The following CEP250 variants were observed in gnomAD, a reference collection of about 807,000 sequenced individuals.
The protein encoded by CEP250 is centrosomal protein 250.
Under a neutral mutation model 315.7 loss-of-function variants are expected in CEP250, and 242 were observed. The observed-to-expected ratio is 0.77, with a 90% CI of 0.69 to 0.85. The LOEUF is 0.85. Ranked by LOEUF, CEP250 falls within the 40% of genes least tolerant of loss-of-function variation. CEP250 has a pLI of 0.00. For missense variants in CEP250, 2,515 were observed against 2,886.4 expected (o/e 0.87, Z 2.95); for synonymous variants, 1,088 against 1,175.0 (o/e 0.93, Z 1.51).
chr20:35,471,469 G>C (rs2063022952), intron 10 of CEP250, among the ~76,000 whole-genome samples: 1 of 152,086 alleles, frequency 6.6e-6, no homozygotes, highest in Non-Finnish European at 1.5e-5. Flanking sequence ...TTCAAATTTT[G>C]TATAAGCCAA....
chr20:35,487,931 C>T (rs2063564809), intron 20 of CEP250, among the ~76,000 whole-genome samples: 1 of 152,172 alleles, frequency 6.6e-6, no homozygotes, highest in Non-Finnish European at 1.5e-5. Flanking sequence ...CACTTGGCTG[C>T]CCATTTATTT....
rs768771397 is a variant in CEP250 at position 35,498,048 on chromosome 20, C to T, written c.3636C>T (p.Ser1212=). The stretch of plus-strand genomic sequence containing the variant: ...GTGGTGGGGGAGACTCTGCTCCTTC[C>T]GTCTGGGGCCTTGAGCCAGGTGAGA... ...ELSGGGDSAP[S]VWGLEPDQNG... The change falls in exon 26 of 35, where the codon TCC becomes TCT. Residue 1212 remains serine, a synonymous_variant. Coordinates refer to ENST00000397527, the MANE Select transcript of CEP250 (RefSeq NM_007186.6). 1.6e-5 allele frequency: 26 copies of T among 1,578,726 alleles called. No individual in the cohort carries two copies. Among genetic ancestry groups the T allele is most frequent in the South Asian group, 6.7e-5 (6 of 88,934 alleles).
At position 35,503,115 on chromosome 20, in the gene CEP250, G is replaced by A. The variant is rs1204562943; in HGVS notation, c.4746G>A (p.Gln1582=). The A allele has an allele frequency of 6.2e-7, 1 of 1,614,208 alleles. No homozygotes were observed. Among genetic ancestry groups the A allele is most frequent in the South Asian group, 1.1e-5 (1 of 91,088 alleles). Residue 1582 remains glutamine, a synonymous_variant, in exon 30 of 35, where the codon CAG becomes CAA. Coordinates refer to ENST00000397527, the MANE Select transcript of CEP250 (RefSeq NM_007186.6). The surrounding 1 kb of genome is among the most constrained non-coding windows in gnomAD (Gnocchi z 4.2). ...AACTGATCAAGGAGCTGGAGGGCCAGAGGGAAACCCAGAGAGTGGCTTTGA... is the reference window on the plus strand; with the variant it reads ...AACTGATCAAGGAGCTGGAGGGCCAAAGGGAAACCCAGAGAGTGGCTTTGA... ...QQKLIKELEG[Q]RETQRVALTH...
intron 28 of CEP250, among the ~76,000 whole-genome samples, chr20:35,501,596 T>C (rs1270421497): frequency 6.6e-6 from 1 of 152,014 alleles, no homozygotes; most frequent in Non-Finnish European, 1.5e-5. Flanking sequence ...TGAGGACATA[T>C]TGGGATGATT....
intron 6 of CEP250, 51 bp from the exon 7 acceptor site, chr20:35,465,988 G>T (rs1228797524): frequency 1.9e-6 from 3 of 1,602,842 alleles, no homozygotes; most frequent in East Asian, 4.5e-5. Flanking sequence ...GAGGTCCAAG[G>T]GTTGGACTAG....
intron 4 of CEP250, 140 bp from the exon 5 acceptor site, chr20:35,463,435 A>G: frequency 1.9e-6 from 1 of 533,308 alleles, no homozygotes; most frequent in Non-Finnish European, 3.1e-6. Flanking sequence ...TAGAAACTAT[A>G]AGATGTTATG....
At chr20:35,475,725 C>T in intron 15 of CEP250, 79 bp downstream of exon 15, 4 of 1,480,926 alleles carry the variant, frequency 2.7e-6, no homozygotes, top group Non-Finnish European at 3.7e-6. Context: ...CATTCTTCAC[C>T]TTCAAGCCAG....
chr20:35,496,818 T>A, intron 25 of CEP250, 103 bp downstream of exon 25: 1 of 1,272,152 alleles, frequency 7.9e-7, no homozygotes, highest in Non-Finnish European at 1.1e-6. Context: ...GACCCATCTA[T>A]TTTTCCTGAT....
Position 35,502,954 on chromosome 20 carries a change from C to G in CEP250, c.4585C>G (p.Leu1529Val), listed in dbSNP as rs1224462169. The G allele has an allele frequency of 1.9e-6, 3 of 1,614,068 alleles. No homozygotes were observed. In the African/African-American group the frequency reaches 4.0e-5, roughly 22 times the overall value. Residue 1529 changes from leucine to valine, a missense_variant, in exon 30 of 35, where the codon CTA becomes GTA. Coordinates refer to ENST00000397527, the MANE Select transcript of CEP250 (RefSeq NM_007186.6). ...GAGGAACGTCTTGGAGCATCAGCTT[C>G]TAGAACTTGAGAAGAAAGACCAAAT... ...TQRNVLEHQL[L>V]ELEKKDQMIE...
rs1186182693 is a variant in CEP250, at chr20:35,515,180, T to C, written c.*3554T>C. 4 of 152,210 alleles carry C rather than the reference T, an allele frequency of 2.6e-5. No individual in the cohort carries two copies. The highest frequency in any genetic ancestry group is 2.6e-4 in the Admixed American group (4 of 15,278). 9.4% of individuals were successfully genotyped at this position (152,210 alleles called of 1,614,324 possible). A position where few individuals can be genotyped will look rare whatever the true frequency, so the allele number is the denominator to read the frequency against. ...CGGAATTGGGTTAGGTGTCCTAGCA[T>C]TGGTGCCTATGGAGAAGAACACAGA... On this transcript the variant is annotated 3_prime_UTR_variant, in exon 35 of 35. Transcript: ENST00000397527.
chr20:35,510,072 T>A lies in CEP250; in HGVS notation c.7065+18T>A. ...AGAAAGAGGTATGTTCTGGATTTTC[T>A]AAGCCCATATTCCCTCCCTTGCACT... On this transcript the variant is annotated intron_variant, in intron 34 of 34. Coordinates refer to ENST00000397527, the MANE Select transcript of CEP250 (RefSeq NM_007186.6). 1 of 1,612,514 alleles carries A rather than the reference T, an allele frequency of 6.2e-7. No individual in the cohort carries two copies. The highest frequency in any genetic ancestry group is 8.5e-7 in the Non-Finnish European group (1 of 1,178,486).
At position 35,518,805 on chromosome 20, in the gene CEP250, G is replaced by A. The variant is rs578052741; in HGVS notation, c.*7179G>A. 1 of 152,296 alleles carries A rather than the reference G, an allele frequency of 6.6e-6. No individual in the cohort carries two copies. Among genetic ancestry groups the A allele is most frequent in the South Asian group, 2.1e-4 (1 of 4,824 alleles). The allele number at this position is 152,296 out of a possible 1,614,324, so 9.4% of individuals were successfully genotyped here. A position where few individuals can be genotyped will look rare whatever the true frequency, so the allele number is the denominator to read the frequency against. The stretch of plus-strand genomic sequence containing the variant: ...TAGCACTTGTGGGAGGCTGAGGCAG[G>A]CGGATTGCCTGAGCTCAGGAGTTGG... On this transcript the variant is annotated 3_prime_UTR_variant, in exon 35 of 35. Coordinates refer to ENST00000397527, the MANE Select transcript of CEP250 (RefSeq NM_007186.6).
At chr20:35,507,656 A>G (rs564942739) in intron 30 of CEP250, 82 bp from the exon 31 acceptor site, 1 of 1,050,656 alleles carries the variant, frequency 9.5e-7, no homozygotes, top group Admixed American at 2.0e-5. Flanking sequence ...GAGAACATTG[A>G]ACCGCTGTTT....
Position 35,511,510 on chromosome 20 carries a change from A to G in CEP250, c.7213A>G (p.Thr2405Ala), listed in dbSNP as rs762627327. The change falls in exon 35 of 35, where the codon ACT (threonine) becomes GCT (alanine). Residue 2405 changes from threonine to alanine, a missense_variant. Physicochemically the swap from Thr to Ala is moderately conservative, Grantham distance 58. Transcript: ENST00000397527. ...LLAVAQAPEATVLEAETRRLD... is the reference protein window; with the variant it reads ...LLAVAQAPEAAVLEAETRRLD... ...TGCCGTGGCCCAGGCCCCTGAGGCC[A>G]CTGTCCTGGAGGCAGAGACCCGCAG... 4.3e-6 allele frequency: 7 copies of G among 1,614,144 alleles called. No individual in the cohort carries two copies. The highest frequency in any genetic ancestry group is 2.2e-5 in the South Asian group (2 of 91,080).
In CEP250 at chr20:35,503,081, G is replaced by A. The variant is rs747668786; in HGVS notation, c.4712G>A (p.Cys1571Tyr). ...ELEENHHKMECQQKLIKELEG... is the reference protein window; with the variant it reads ...ELEENHHKMEYQQKLIKELEG... ...GAGGAAAACCATCACAAGATGGAGT[G>A]CCAGCAAAAACTGATCAAGGAGCTG... The change falls in exon 30 of 35, where the codon TGC (cysteine) becomes TAC (tyrosine). Residue 1571 changes from cysteine (C) to tyrosine (Y), a missense_variant. Transcript: ENST00000397527. The surrounding 1 kb of genome is among the most constrained non-coding windows in gnomAD (Gnocchi z 4.2). 3.1e-6 allele frequency: 5 copies of A among 1,614,156 alleles called. No homozygotes were observed. Among genetic ancestry groups the A allele is most frequent in the South Asian group, 1.1e-5 (1 of 91,086 alleles).
chr20:35,463,340 T>G lies in CEP250; in HGVS notation c.187-235T>G, dbSNP rs191848716. 3.3e-3 allele frequency among the ~76,000 whole-genome samples: 504 copies of G among 152,254 alleles called. 1 individual carries two copies. The highest frequency in any genetic ancestry group is 0.012 in the African/African-American group (487 of 41,540). ...ATCACTTCAATCTGGGAAGCGGAGG[T>G]TGCAGTGAGCCAAGATTGTGCCACT... On this transcript the variant is annotated intron_variant, in intron 4 of 34. Coordinates refer to ENST00000397527, the MANE Select transcript of CEP250 (RefSeq NM_007186.6).
chr20:35,467,224 C>T (rs2146720794), intron 8 of CEP250, 80 bp from the exon 9 acceptor site: 1 of 1,525,778 alleles, frequency 6.6e-7, no homozygotes, highest in Middle Eastern at 1.7e-4. Context: ...AGCCCTGCTC[C>T]TCAGGCTTCA....
chr20:35,477,219 A>AGCCTGAC (rs1185860832), intron 16 of CEP250, among the ~76,000 whole-genome samples: 5 of 152,316 alleles, frequency 3.3e-5, no homozygotes, highest in African/African-American at 7.2e-5. Flanking sequence ...AATGTTGGTC[A>AGCCTGAC]GGCTGTTCTC....
In CEP250 at chr20:35,507,101, G is replaced by A. The variant is rs11908476; in HGVS notation, c.6637-637G>A. ...CTGAGTCATCTGCCTCTAGAGCGCAGGCTTTCTGTCACCAAGCTCTTCCTC... is the reference window on the plus strand; with the variant it reads ...CTGAGTCATCTGCCTCTAGAGCGCAAGCTTTCTGTCACCAAGCTCTTCCTC... On this transcript the variant is annotated intron_variant, in intron 30 of 34. Coordinates refer to ENST00000397527, the MANE Select transcript of CEP250 (RefSeq NM_007186.6). 5.3e-3 allele frequency among the ~76,000 whole-genome samples: 802 copies of A among 152,262 alleles called. 1 individual carries two copies. The highest frequency in any genetic ancestry group is 0.019 in the African/African-American group (774 of 41,542).
Sources: gnomAD v4.1 joint callset for allele counts (sites outside exome capture counted in the v4.1 genomes callset) on GRCh38, gnomAD v4.1.1 for gene constraint, Gnocchi (gnomAD v3.1) non-coding constraint, MANE v1.5 for transcripts, NCBI Gene and HGNC (gene_info 2026-07-23, HGNC 2026-07-21) for gene names.